The following TRHDE variants were observed in gnomAD, a reference collection of about 807,000 sequenced individuals.
TRHDE encodes the protein thyrotropin-releasing hormone-degrading ectoenzyme.
A neutral mutation model predicts 125.7 loss-of-function variants in TRHDE; 72 were observed. The ratio of observed to expected loss-of-function variants is 0.57; its 90% CI spans 0.47 to 0.70. TRHDE has a LOEUF of 0.70. Among genes scored for constraint, TRHDE ranks in the 30% least tolerant of loss-of-function variants. The pLI is 0.00. For missense variants in TRHDE, 1,110 were observed against 1,327.1 expected (o/e 0.84, Z 2.54); for synonymous variants, 509 against 509.1 (o/e 1.00, Z 0.00).
chr12:72,485,911 G>GCTCCCAA (rs1877385244), intron 5 of TRHDE, among the ~76,000 whole-genome samples: 1 of 152,050 alleles, frequency 6.6e-6, no homozygotes, highest in Non-Finnish European at 1.5e-5. Context: ...AAGCCGTATT[G>GCTCCCAA]GCATCTTGCT....
At chr12:72,551,155 T>C (rs1592530080) in intron 7 of TRHDE, among the ~76,000 whole-genome samples, 1 of 152,234 alleles carries the variant, frequency 6.6e-6, no homozygotes, top group East Asian at 1.9e-4. Context: ...ATTATTGTTA[T>C]GAAAAAATAC....
intron 5 of TRHDE, among the ~76,000 whole-genome samples, chr12:72,486,530 G>A (rs1877415813): frequency 6.6e-6 from 1 of 152,112 alleles, no homozygotes; most frequent in Non-Finnish European, 1.5e-5. Context: ...AGACCACTGA[G>A]GTACCACAAT....
At chr12:72,618,284 T>C (rs1228563332) in intron 12 of TRHDE, among the ~76,000 whole-genome samples, 2 of 151,978 alleles carry the variant, frequency 1.3e-5, no homozygotes, top group Non-Finnish European at 2.9e-5. Context: ...GAAAGGAAAA[T>C]AATAGAAAAA....
At chr12:72,472,198 TC>T (rs1020068924) in intron 4 of TRHDE, among the ~76,000 whole-genome samples, 55 of 152,114 alleles carry the variant, frequency 3.6e-4, no homozygotes, top group African/African-American at 1.3e-3. Flanking sequence ...CCTCCCCTCA[TC>T]CCCCCTACCT....
At chr12:72,197,946 C>T (rs1181714867) in intron 2 of TRHDE, among the ~76,000 whole-genome samples, 2 of 151,948 alleles carry the variant, frequency 1.3e-5, no homozygotes, top group Admixed American at 6.6e-5. Flanking sequence ...CATGCCCATA[C>T]TCAATAGCAG....
chr12:72,243,441 A>G (rs1878519546), intron 2 of TRHDE, among the ~76,000 whole-genome samples: 1 of 152,192 alleles, frequency 6.6e-6, no homozygotes, highest in Non-Finnish European at 1.5e-5. Context: ...AAGTGCTGCA[A>G]AGTGCAAAAT....
intron 6 of TRHDE, among the ~76,000 whole-genome samples, chr12:72,501,010 A>T (rs1318989478): frequency 6.6e-6 from 1 of 151,906 alleles, no homozygotes; most frequent in East Asian, 1.9e-4. Context: ...ATATTGACTG[A>T]CCCATGAATA....
At chr12:72,272,110 C>A, upstream of TRHDE, 1 of 457,424 alleles carries the variant, frequency 2.2e-6, no homozygotes, top group South Asian at 1.5e-5. The surrounding 1 kb of genome is among the most constrained non-coding windows in gnomAD (Gnocchi z 6.7). Flanking sequence ...CGTGCTGTGG[C>A]CGCCGTCACT....
chr12:72,235,062 A>G (rs1018488424), intron 2 of TRHDE, among the ~76,000 whole-genome samples: 1 of 152,208 alleles, frequency 6.6e-6, no homozygotes, highest in African/African-American at 2.4e-5. Flanking sequence ...AATCCAGGTC[A>G]TCTGACTCAT....
At chr12:72,288,330 G>T (rs1353150942) in intron 2 of TRHDE, among the ~76,000 whole-genome samples, 2 of 152,106 alleles carry the variant, frequency 1.3e-5, no homozygotes, top group South Asian at 4.2e-4. Context: ...AAGTCATTGT[G>T]GGACCTGTTT....
chr12:72,144,475 T>C (rs1055323791), intron 2 of TRHDE, among the ~76,000 whole-genome samples: 1 of 152,268 alleles, frequency 6.6e-6, no homozygotes, highest in Non-Finnish European at 1.5e-5. Flanking sequence ...AGGTTTTCTC[T>C]GACTCCAGGT....
intron 1 of TRHDE, among the ~76,000 whole-genome samples, chr12:72,099,757 T>A (rs1875024459): frequency 6.6e-6 from 1 of 152,218 alleles, no homozygotes; most frequent in Admixed American, 6.5e-5. Context: ...CATTATCATA[T>A]TTTAAGATAA....
chr12:72,265,526 A>G (rs2139397620), intron 2 of TRHDE, among the ~76,000 whole-genome samples: 1 of 151,914 alleles, frequency 6.6e-6, no homozygotes, highest in East Asian at 1.9e-4. Flanking sequence ...TATATAAGCA[A>G]GGAAAAGGCA....
At position 72,532,806 on chromosome 12, in the gene TRHDE, C is replaced by A. The variant is rs929797033; in HGVS notation, c.1723-9485C>A. ...TAGATTATATTATTTATTGTATTATCACATATAATATATATTAACTTGTCT... is the reference window on the plus strand; with the variant it reads ...TAGATTATATTATTTATTGTATTATAACATATAATATATATTAACTTGTCT... On this transcript the variant is annotated intron_variant, in intron 6 of 18. Coordinates refer to ENST00000261180, the MANE Select transcript of TRHDE (RefSeq NM_013381.3). 6.1e-4 allele frequency among the ~76,000 whole-genome samples: 92 copies of A among 149,668 alleles called. 3 individuals are homozygous for A. Among genetic ancestry groups the A allele is most frequent in the Non-Finnish European group, 2.5e-4 (17 of 67,462 alleles).
intron 2 of TRHDE, among the ~76,000 whole-genome samples, chr12:72,154,623 T>C (rs1223793544): frequency 6.6e-6 from 1 of 152,246 alleles, no homozygotes; most frequent in Non-Finnish European, 1.5e-5. Flanking sequence ...TGCTTGTCTG[T>C]AAAGTATTTT....
At chr12:72,471,218 G>C (rs144008311) in intron 4 of TRHDE, among the ~76,000 whole-genome samples, 347 of 152,152 alleles carry the variant, frequency 2.3e-3, no homozygotes, top group African/African-American at 7.6e-3. Context: ...TAAGATGTTT[G>C]ATGTTTTTAT....
intron 15 of TRHDE, among the ~76,000 whole-genome samples, chr12:72,632,760 C>T (rs1265234353): frequency 1.3e-5 from 2 of 149,736 alleles, no homozygotes; most frequent in Non-Finnish European, 1.5e-5. Context: ...AGACAAGTCA[C>T]GAATTTTCCT....
At chr12:72,342,741 C>A (rs1870138864) in intron 2 of TRHDE, among the ~76,000 whole-genome samples, 1 of 151,992 alleles carries the variant, frequency 6.6e-6, no homozygotes, top group Non-Finnish European at 1.5e-5. Flanking sequence ...CATTGATTTT[C>A]TTTCTTCACT....
In TRHDE at chr12:72,496,172, A is replaced by C. The variant is rs76170412; in HGVS notation, c.1585-3326A>C. ...AACATTTCAACACGCATGTGTACAC[A>C]CTTACATACACATACACACCAAACT... On this transcript the variant is annotated intron_variant, in intron 5 of 18. Coordinates refer to ENST00000261180, the MANE Select transcript of TRHDE (RefSeq NM_013381.3). Among the ~76,000 whole-genome samples, 689 of 152,318 alleles carry C rather than the reference A, an allele frequency of 4.5e-3. 3 individuals are homozygous for C. Among genetic ancestry groups the C allele is most frequent in the Non-Finnish European group, 7.7e-3 (526 of 68,026 alleles).
Sources: gnomAD v4.1 joint callset for allele counts (sites outside exome capture counted in the v4.1 genomes callset) on GRCh38, gnomAD v4.1.1 for gene constraint, Gnocchi (gnomAD v3.1) non-coding constraint, MANE v1.5 for transcripts, NCBI Gene and HGNC (gene_info 2026-07-23, HGNC 2026-07-21) for gene names.